CBFA2T2: variants seen among roughly 807,000 people sequenced by gnomAD.
CBFA2T2 encodes the protein protein CBFA2T2.
A neutral mutation model predicts 62.2 loss-of-function variants in CBFA2T2; 11 were observed. The observed-to-expected ratio is 0.18, with a 90% CI of 0.11 to 0.29. The LOEUF (loss-of-function observed/expected upper bound fraction) is 0.29, where lower values mean the gene tolerates loss of function less well. CBFA2T2 is among the 10% of genes least tolerant of loss of function. The pLI, the probability that CBFA2T2 is intolerant of heterozygous loss-of-function variation, is 1.00. For synonymous variants in CBFA2T2, 295 were observed against 287.5 expected (o/e 1.03, Z -0.27); for missense variants, 592 against 774.1 (o/e 0.76, Z 2.79).
intron 1 of CBFA2T2, among the ~76,000 whole-genome samples, chr20:33,519,743 CA>C (rs1275188243): frequency 6.6e-6 from 1 of 152,134 alleles, no homozygotes; most frequent in African/African-American, 2.4e-5. Context: ...CAGGAATCTT[CA>C]TTTTCAGCAG....
At position 33,495,553 on chromosome 20, in the gene CBFA2T2, G is replaced by A. The variant is rs889192834; in HGVS notation, c.34+5252G>A. 1.1e-4 allele frequency among the ~76,000 whole-genome samples: 16 copies of A among 151,924 alleles called. No homozygotes were observed. The East Asian group carries it at 1.6e-3, about 15-fold the overall frequency. ...AACGTACAAAAAAAATCAGCTGGGCGTGGTGGCGGGTTCCTGTAGTCCCAG... is the reference window on the plus strand; with the variant it reads ...AACGTACAAAAAAAATCAGCTGGGCATGGTGGCGGGTTCCTGTAGTCCCAG... On this transcript the variant is annotated intron_variant, in intron 1 of 10. Transcript: ENST00000342704.
intron 2 of CBFA2T2, 74 bp downstream of exon 2, chr20:33,607,173 G>A (rs1255293343): frequency 8.8e-6 from 12 of 1,367,152 alleles, no homozygotes; most frequent in East Asian, 7.0e-5. Context: ...TGTATGAAGC[G>A]TTCCACATAT....
At position 33,649,891 on chromosome 20, in the gene CBFA2T2, T is replaced by C. The variant is rs2017190704; in HGVS notation, c.*5245T>C. On this transcript the variant is annotated 3_prime_UTR_variant, in exon 11 of 11. Transcript: ENST00000342704. Reference sequence around the variant, plus strand: ...ATTAGAATCTGGTTTTTCTGTGCTTTGTCATTTTACTCTGATAGGAATTTT... The same window carrying C: ...ATTAGAATCTGGTTTTTCTGTGCTTCGTCATTTTACTCTGATAGGAATTTT... 1 of 152,702 alleles carries C rather than the reference T, an allele frequency of 6.5e-6. No homozygotes were observed. Among genetic ancestry groups the C allele is most frequent in the Non-Finnish European group, 1.5e-5 (1 of 68,046 alleles). 9.5% of individuals were successfully genotyped at this position (152,702 alleles called of 1,614,324 possible). A position where few individuals can be genotyped will look rare whatever the true frequency, so the allele number is the denominator to read the frequency against.
intron 1 of CBFA2T2, among the ~76,000 whole-genome samples, chr20:33,520,761 C>G (rs1482584161): frequency 6.6e-6 from 1 of 151,936 alleles, no homozygotes; most frequent in Non-Finnish European, 1.5e-5. Context: ...CAGAGCAAGA[C>G]TGTATCTCAA....
chr20:33,534,696 T>G (rs1365333914), intron 1 of CBFA2T2, among the ~76,000 whole-genome samples: 1 of 151,972 alleles, frequency 6.6e-6, no homozygotes, highest in Non-Finnish European at 1.5e-5. Flanking sequence ...TTGTCTATTT[T>G]CTTAACAGTT....
intron 1 of CBFA2T2, among the ~76,000 whole-genome samples, chr20:33,538,097 T>C (rs2012316425): frequency 6.6e-6 from 1 of 152,152 alleles, no homozygotes; most frequent in African/African-American, 2.4e-5. Context: ...GAGATACAAA[T>C]TAACAAATTA....
At chr20:33,613,674 C>A (rs146165569) in intron 3 of CBFA2T2, among the ~76,000 whole-genome samples, 3 of 152,236 alleles carry the variant, frequency 2.0e-5, no homozygotes, top group Non-Finnish European at 4.4e-5. Context: ...CCATACTGTT[C>A]GCAGAACCAC....
At chr20:33,630,875 G>A (rs1319733532) in intron 8 of CBFA2T2, among the ~76,000 whole-genome samples, 1 of 152,168 alleles carries the variant, frequency 6.6e-6, no homozygotes, top group Non-Finnish European at 1.5e-5. Flanking sequence ...TACAGACAGT[G>A]GGAGTTAAAG....
intron 1 of CBFA2T2, among the ~76,000 whole-genome samples, chr20:33,572,911 C>G (rs2013634235): frequency 1.3e-5 from 2 of 152,126 alleles, no homozygotes. Context: ...GCAGCAAGAC[C>G]AGAAGTGAAA....
At chr20:33,624,010 C>T (rs2016112996) in intron 5 of CBFA2T2, 2 of 559,502 alleles carry the variant, frequency 3.6e-6, no homozygotes, top group Admixed American at 3.5e-5. Flanking sequence ...TACAATCTGC[C>T]AAATGCCTTT....
chr20:33,649,547 C>A lies in CBFA2T2; in HGVS notation c.*4901C>A, dbSNP rs1450402136. 6.6e-6 allele frequency: 1 copy of A among 152,478 alleles called. No individual in the cohort carries two copies. Among genetic ancestry groups the A allele is most frequent in the Non-Finnish European group, 1.5e-5 (1 of 68,072 alleles). The allele number at this position is 152,478 out of a possible 1,614,324, so 9.4% of individuals were successfully genotyped here. ...GTGGAGCTTCCCTCACAGACCCCATCTGGTCGAGCCTACGGCTGCCCAGTG... is the reference window on the plus strand; with the variant it reads ...GTGGAGCTTCCCTCACAGACCCCATATGGTCGAGCCTACGGCTGCCCAGTG... On this transcript the variant is annotated 3_prime_UTR_variant, in exon 11 of 11. Coordinates refer to ENST00000342704, the MANE Select transcript of CBFA2T2 (RefSeq NM_001032999.3).
At chr20:33,600,748 A>G (rs1165239441) in intron 1 of CBFA2T2, among the ~76,000 whole-genome samples, 10 of 152,014 alleles carry the variant, frequency 6.6e-5, no homozygotes, top group African/African-American at 2.4e-4. Flanking sequence ...TTATTTTCCC[A>G]GTACTGTATG....
In CBFA2T2 at chr20:33,648,066, C is replaced by G. The variant is rs764396075; in HGVS notation, c.*3420C>G. ...GCGAATCCAGGTTCCTTGCGTGGTTCCCAGCCTCTGCTGACAGCACCTCAG... is the reference window on the plus strand; with the variant it reads ...GCGAATCCAGGTTCCTTGCGTGGTTGCCAGCCTCTGCTGACAGCACCTCAG... On this transcript the variant is annotated 3_prime_UTR_variant, in exon 11 of 11. Coordinates refer to ENST00000342704, the MANE Select transcript of CBFA2T2 (RefSeq NM_001032999.3). 2 of 152,258 alleles carry G rather than the reference C, an allele frequency of 1.3e-5. No homozygotes were observed. The highest frequency in any genetic ancestry group is 1.5e-5 in the Non-Finnish European group (1 of 68,072). The allele number at this position is 152,258 out of a possible 1,614,324, so 9.4% of individuals were successfully genotyped here.
At chr20:33,523,528 G>A (rs2011792643) in intron 1 of CBFA2T2, among the ~76,000 whole-genome samples, 4 of 152,102 alleles carry the variant, frequency 2.6e-5, no homozygotes, top group Admixed American at 2.6e-4. Context: ...AGATGAGAGA[G>A]GTTTTACTCC....
At chr20:33,506,370 T>C (rs923143796) in intron 1 of CBFA2T2, among the ~76,000 whole-genome samples, 4 of 152,214 alleles carry the variant, frequency 2.6e-5, no homozygotes, top group East Asian at 3.8e-4. Flanking sequence ...TCCCCTCTTT[T>C]TTCATATTTA....
chr20:33,570,337 A>G (rs2013504667), intron 1 of CBFA2T2, among the ~76,000 whole-genome samples: 1 of 152,202 alleles, frequency 6.6e-6, no homozygotes, highest in African/African-American at 2.4e-5. Flanking sequence ...GGCAGCCAAC[A>G]TTTTACGTGA....
At chr20:33,500,390 T>G (rs910441761) in intron 1 of CBFA2T2, among the ~76,000 whole-genome samples, 5 of 151,882 alleles carry the variant, frequency 3.3e-5, no homozygotes, top group African/African-American at 1.2e-4. Flanking sequence ...CAACTTTCTT[T>G]CCCTAACAAC....
chr20:33,524,259 A>T (rs904550806), intron 1 of CBFA2T2, among the ~76,000 whole-genome samples: 2 of 152,136 alleles, frequency 1.3e-5, no homozygotes, highest in African/African-American at 4.8e-5. Flanking sequence ...ACTGATTGTT[A>T]CCTGTCACAA....
At position 33,565,106 on chromosome 20, in the gene CBFA2T2, A is replaced by T. The variant is rs150732927; in HGVS notation, c.35-41850A>T. On this transcript the variant is annotated intron_variant, in intron 1 of 10. Coordinates refer to ENST00000342704, the MANE Select transcript of CBFA2T2 (RefSeq NM_001032999.3). ...GGCTAATTTTTTGTATTTTTAGTAGAGACGGTGTTTCACCGTGTTAGCCAG... is the reference window on the plus strand; with the variant it reads ...GGCTAATTTTTTGTATTTTTAGTAGTGACGGTGTTTCACCGTGTTAGCCAG... Among the ~76,000 whole-genome samples the T allele has an allele frequency of 7.2e-3, 1,097 of 152,030 alleles. 17 individuals are homozygous for T. Among genetic ancestry groups the T allele is most frequent in the African/African-American group, 0.026 (1,062 of 41,460 alleles).
Sources: gnomAD v4.1 joint callset for allele counts (sites outside exome capture counted in the v4.1 genomes callset) on GRCh38, gnomAD v4.1.1 for gene constraint, MANE v1.5 for transcripts, NCBI Gene and HGNC (gene_info 2026-07-23, HGNC 2026-07-21) for gene names.